The following SFSWAP variants were observed in gnomAD, a reference collection of about 807,000 sequenced individuals.
SFSWAP encodes the protein splicing factor, suppressor of white-apricot homolog.
A neutral mutation model predicts 100.7 loss-of-function variants in SFSWAP; 17 were observed. The ratio of observed to expected loss-of-function variants is 0.17; its 90% CI spans 0.12 to 0.25. The LOEUF (loss-of-function observed/expected upper bound fraction) is 0.25. Ranked by LOEUF, SFSWAP falls within the 10% of genes least tolerant of loss-of-function variation. SFSWAP has a pLI of 1.00. For synonymous variants in SFSWAP, 504 were observed against 510.1 expected (o/e 0.99, Z 0.16); for missense variants, 1,005 against 1,262.6 (o/e 0.80, Z 3.09).
intron 7 of SFSWAP, among the ~76,000 whole-genome samples, chr12:131,747,577 A>G (rs1881250136): frequency 6.6e-6 from 1 of 152,172 alleles, no homozygotes; most frequent in Non-Finnish European, 1.5e-5. Context: ...GCAAGGGTGG[A>G]AAACCCGGGG....
At chr12:131,763,998 C>T (rs1002357549) in intron 11 of SFSWAP, among the ~76,000 whole-genome samples, 1 of 151,990 alleles carries the variant, frequency 6.6e-6, no homozygotes, top group African/African-American at 2.4e-5. Flanking sequence ...TGGCAGCGGG[C>T]GCCTGTACTC....
rs777030648 is a variant in SFSWAP at position 131,714,275 on chromosome 12, CTT to C, written c.388+39_388+40del. On this transcript the variant is annotated intron_variant, in intron 2 of 17. Transcript: ENST00000261674. This position sits in a 1 kb window ranked among gnomAD's most constrained non-coding sequence, Gnocchi z 6.0. Reference sequence around the variant, plus strand: ...AAGACAAACTTACTTCAGCAACAAACTTTTTAAAATTTTTAAGTATTTAAAAA... The same window carrying C: ...AAGACAAACTTACTTCAGCAACAAACTTTAAAATTTTTAAGTATTTAAAAA... 3 of 1,540,674 alleles carry C rather than the reference CTT, an allele frequency of 1.9e-6. No individual in the cohort carries two copies. The highest frequency in any genetic ancestry group is 2.6e-6 in the Non-Finnish European group (3 of 1,141,744).
intron 13 of SFSWAP, among the ~76,000 whole-genome samples, chr12:131,770,927 G>A (rs1020598922): frequency 2.6e-5 from 4 of 152,204 alleles, no homozygotes; most frequent in African/African-American, 7.2e-5. Flanking sequence ...ATGTGTGTGG[G>A]ATTCTGCAGT....
At chr12:131,715,876 T>A (rs1176883225) in intron 3 of SFSWAP, among the ~76,000 whole-genome samples, 1 of 152,134 alleles carries the variant, frequency 6.6e-6, no homozygotes, top group Non-Finnish European at 1.5e-5. Context: ...CACAATAATT[T>A]AAAAAAAGAG....
At chr12:131,786,434 A>T in intron 14 of SFSWAP, 29 bp from the exon 15 acceptor site, 1 of 1,576,072 alleles carries the variant, frequency 6.3e-7, no homozygotes, top group South Asian at 1.2e-5. Flanking sequence ...CAGGCCACAG[A>T]GCTGAACACT....
chr12:131,750,024 A>T (rs1881478133), intron 7 of SFSWAP, among the ~76,000 whole-genome samples: 1 of 152,240 alleles, frequency 6.6e-6, no homozygotes, highest in Non-Finnish European at 1.5e-5. Flanking sequence ...CCTGGGGAAC[A>T]GAAGCCAGGG....
At chr12:131,774,362 G>C (rs183143512) in intron 13 of SFSWAP, among the ~76,000 whole-genome samples, 5 of 152,332 alleles carry the variant, frequency 3.3e-5, no homozygotes, top group Admixed American at 3.3e-4. Flanking sequence ...AATAATCGTT[G>C]CTGGTTCATG....
chr12:131,789,674 C>T (rs1381733551), intron 15 of SFSWAP, among the ~76,000 whole-genome samples: 1 of 151,948 alleles, frequency 6.6e-6, no homozygotes, highest in African/African-American at 2.4e-5. Flanking sequence ...CTCCCTCCTC[C>T]GTTCGTGTGT....
intron 13 of SFSWAP, among the ~76,000 whole-genome samples, chr12:131,771,650 C>CTT (rs398021691): frequency 3.2e-3 from 272 of 86,086 alleles, no homozygotes; most frequent in African/African-American, 8.6e-3. Context: ...GCTAATGTCT[C>CTT]TTTTTTTTTT....
chr12:131,760,015 A>G (rs749826125), intron 11 of SFSWAP, among the ~76,000 whole-genome samples: 62 of 152,324 alleles, frequency 4.1e-4, no homozygotes, highest in South Asian at 1.7e-3. Flanking sequence ...TGTTGGAAAA[A>G]CAGGCTCTCC....
At chr12:131,755,798 G>C (rs947194479) in intron 10 of SFSWAP, among the ~76,000 whole-genome samples, 2 of 152,172 alleles carry the variant, frequency 1.3e-5, no homozygotes, top group African/African-American at 4.8e-5. Flanking sequence ...ATGACAGCCG[G>C]GTACCTTGCT....
At chr12:131,791,800 C>CT (rs1885247454) in intron 15 of SFSWAP, among the ~76,000 whole-genome samples, 1 of 152,266 alleles carries the variant, frequency 6.6e-6, no homozygotes, top group Non-Finnish European at 1.5e-5. Context: ...TGAAGGAACA[C>CT]TTCCCATCTC....
At chr12:131,776,734 C>T (rs1216151196) in intron 13 of SFSWAP, among the ~76,000 whole-genome samples, 1 of 152,208 alleles carries the variant, frequency 6.6e-6, no homozygotes, top group East Asian at 1.9e-4. Flanking sequence ...CAGCACCTAA[C>T]CTGAATTTCT....
intron 7 of SFSWAP, among the ~76,000 whole-genome samples, chr12:131,749,071 A>T (rs1881388904): frequency 6.6e-6 from 1 of 152,240 alleles, no homozygotes; most frequent in African/African-American, 2.4e-5. Context: ...AATGCTTGAG[A>T]TACTAAAAAC....
At chr12:131,763,800 T>C (rs963336829) in intron 11 of SFSWAP, among the ~76,000 whole-genome samples, 1 of 151,904 alleles carries the variant, frequency 6.6e-6, no homozygotes, top group African/African-American at 2.4e-5. Flanking sequence ...AATTTAGATA[T>C]ATGCTGAGCC....
At chr12:131,745,326 A>G (rs565745223) in intron 7 of SFSWAP, among the ~76,000 whole-genome samples, 21 of 152,318 alleles carry the variant, frequency 1.4e-4, no homozygotes, top group African/African-American at 4.3e-4. Context: ...ATCTTTTAGG[A>G]ATTCTTGAAA....
intron 13 of SFSWAP, among the ~76,000 whole-genome samples, chr12:131,770,825 T>C (rs907943967): frequency 4.6e-5 from 7 of 152,308 alleles, no homozygotes; most frequent in African/African-American, 7.2e-5. Context: ...CAAAACTCTG[T>C]AGCCATTAAA....
intron 14 of SFSWAP, among the ~76,000 whole-genome samples, chr12:131,780,180 A>G (rs980592650): frequency 2.0e-5 from 3 of 152,268 alleles, no homozygotes; most frequent in Admixed American, 2.0e-4. Context: ...TGATAAATCA[A>G]TTTGATCTTT....
intron 15 of SFSWAP, among the ~76,000 whole-genome samples, chr12:131,789,788 G>A (rs1454378386): frequency 6.6e-6 from 1 of 152,154 alleles, no homozygotes; most frequent in Non-Finnish European, 1.5e-5. Context: ...TGGGTTCAGG[G>A]CAAATGTTTT....
Sources: allele counts gnomAD v4.1 joint callset (sites outside exome capture counted in the v4.1 genomes callset), GRCh38; gene constraint gnomAD v4.1.1; non-coding constraint Gnocchi (gnomAD v3.1); transcripts MANE v1.5; gene names NCBI Gene and HGNC (gene_info 2026-07-23, HGNC 2026-07-21).